Variants in MLANA observed in about 807,000 individuals in gnomAD.
MLANA encodes the protein melanoma antigen recognized by T-cells 1.
MLANA carries 21 observed loss-of-function variants against 15.7 expected under a neutral mutation model. The observed-to-expected ratio is 1.33, with a 90% CI of 0.95 to 1.92. The LOEUF is 1.92. Among genes scored for constraint, MLANA ranks in the 40% most tolerant of loss-of-function variants. MLANA has a pLI of 0.00. For missense variants in MLANA, 164 were observed against 143.8 expected (o/e 1.14, Z -0.72); for synonymous variants, 56 against 51.5 (o/e 1.09, Z -0.37).
chr9:5,905,321 G>C (rs372324105), intron 3 of MLANA, among the ~76,000 whole-genome samples: 1 of 152,152 alleles, frequency 6.6e-6, no homozygotes, highest in African/African-American at 2.4e-5. Context: ...TGGCCATGAC[G>C]GGAAGGGAGG....
chr9:5,895,698 A>G (rs1831969649), intron 2 of MLANA, among the ~76,000 whole-genome samples: 1 of 152,212 alleles, frequency 6.6e-6, no homozygotes, highest in East Asian at 1.9e-4. Flanking sequence ...CTGATTGGGT[A>G]GGCCAGGGGT....
chr9:5,902,045 C>T (rs902251278), intron 3 of MLANA, among the ~76,000 whole-genome samples: 9 of 152,082 alleles, frequency 5.9e-5, no homozygotes, highest in African/African-American at 1.9e-4. Flanking sequence ...AAAGTATTCC[C>T]TTTGCTTCTA....
At chr9:5,895,799 G>A (rs1411008980) in intron 2 of MLANA, among the ~76,000 whole-genome samples, 2 of 152,236 alleles carry the variant, frequency 1.3e-5, no homozygotes, top group Admixed American at 6.5e-5. Flanking sequence ...CTGCCAAGCT[G>A]GGCAGTGGGT....
chr9:5,907,147 CT>C, intron 4 of MLANA, 149 bp downstream of exon 4: 1 of 411,500 alleles, frequency 2.4e-6, no homozygotes, highest in Non-Finnish European at 4.3e-6. Flanking sequence ...AAAATGGCAA[CT>C]TTTATGTGTA....
intron 3 of MLANA, among the ~76,000 whole-genome samples, chr9:5,904,162 A>G (rs890965395): frequency 6.6e-6 from 1 of 151,510 alleles, no homozygotes; most frequent in Non-Finnish European, 1.5e-5. Flanking sequence ...CCTGGCCTCT[A>G]TCCACTTACT....
At position 5,909,412 on chromosome 9, in the gene MLANA, C is replaced by G. The variant is rs1463809540; in HGVS notation, c.*704C>G. ...TAGCTGGGATTACAGGCGTGCGCCA[C>G]TATGCCTGACTAATTTTGTAGTTTT... On this transcript the variant is annotated 3_prime_UTR_variant, in exon 5 of 5. Transcript: ENST00000381477. 1.3e-5 allele frequency: 2 copies of G among 152,328 alleles called. No homozygotes were observed. Among genetic ancestry groups the G allele is most frequent in the Non-Finnish European group, 1.5e-5 (1 of 68,154 alleles). The allele number at this position is 152,328 out of a possible 1,614,324, so 9.4% of individuals were successfully genotyped here.
At chr9:5,898,876 G>GT (rs1459801841) in intron 3 of MLANA, 1 of 152,164 alleles carries the variant, frequency 6.6e-6, no homozygotes, top group African/African-American at 2.4e-5. Flanking sequence ...TCACTTGTGT[G>GT]TTTTTTAACA....
chr9:5,897,767 AT>A (rs1832131167), intron 3 of MLANA, 114 bp downstream of exon 3: 1 of 935,680 alleles, frequency 1.1e-6, no homozygotes, highest in African/African-American at 1.6e-5. Flanking sequence ...TTCAGCTCTG[AT>A]TCCGGCTTCT....
At chr9:5,898,781 C>A (rs985193658) in intron 3 of MLANA, among the ~76,000 whole-genome samples, 6 of 152,188 alleles carry the variant, frequency 3.9e-5, no homozygotes, top group African/African-American at 1.4e-4. Context: ...CCTGTGAATT[C>A]CAAGTTCTTC....
intron 3 of MLANA, among the ~76,000 whole-genome samples, chr9:5,903,106 G>A (rs930222421): frequency 6.6e-6 from 1 of 151,806 alleles, no homozygotes; most frequent in African/African-American, 2.4e-5. Flanking sequence ...GAAGTGTGTT[G>A]TTTAATCTCC....
intron 3 of MLANA, among the ~76,000 whole-genome samples, chr9:5,905,474 G>A (rs530505703): frequency 2.4e-4 from 36 of 152,272 alleles, no homozygotes; most frequent in Admixed American, 1.2e-3. Context: ...TGCAAGGAAA[G>A]GGTTAAATCA....
At chr9:5,900,394 C>T (rs561081711) in intron 3 of MLANA, among the ~76,000 whole-genome samples, 1 of 152,036 alleles carries the variant, frequency 6.6e-6, no homozygotes, top group South Asian at 2.1e-4. Flanking sequence ...ATATTAAAAT[C>T]TTATTTTGAG....
chr9:5,903,133 T>C (rs372900134), intron 3 of MLANA, among the ~76,000 whole-genome samples: 9 of 152,256 alleles, frequency 5.9e-5, no homozygotes, highest in East Asian at 1.9e-4. Context: ...TGGGAATTTT[T>C]CAGTTATCTT....
Position 5,893,405 on chromosome 9 carries a change from C to T in MLANA, c.77+854C>T, listed in dbSNP as rs550019556. 6.6e-5 allele frequency among the ~76,000 whole-genome samples: 10 copies of T among 152,316 alleles called. 1 individual carries two copies. The highest frequency in any genetic ancestry group is 2.4e-4 in the African/African-American group (10 of 41,574). ...GAACCTGCTCTTTCTTTGGAAAGAGCTGTTGAACAATCTTTGTTAACAGTC... is the reference window on the plus strand; with the variant it reads ...GAACCTGCTCTTTCTTTGGAAAGAGTTGTTGAACAATCTTTGTTAACAGTC... On this transcript the variant is annotated intron_variant, in intron 2 of 4. Coordinates refer to ENST00000381477, the MANE Select transcript of MLANA (RefSeq NM_005511.2).
chr9:5,890,982 G>T (rs147072608), intron 1 of MLANA, 46 bp downstream of exon 1: 2 of 152,272 alleles, frequency 1.3e-5, no homozygotes, highest in East Asian at 3.9e-4. Flanking sequence ...TCTTCTCCCA[G>T]AATAGGATTT....
chr9:5,892,360 C>T, intron 1 of MLANA, 90 bp from the exon 2 acceptor site: 1 of 836,932 alleles, frequency 1.2e-6, no homozygotes, highest in Non-Finnish European at 1.8e-6. Flanking sequence ...ATATTGGTCA[C>T]CTAGTGAGGA....
At position 5,905,673 on chromosome 9, in the gene MLANA, C is replaced by T. The variant is rs958449381; in HGVS notation, c.175-1212C>T. Among the ~76,000 whole-genome samples the T allele has an allele frequency of 1.4e-4, 22 of 152,188 alleles. 1 individual carries two copies. Among genetic ancestry groups the T allele is most frequent in the Admixed American group, 5.9e-4 (9 of 15,276 alleles). Reference sequence around the variant, plus strand: ...CAACCAGCTGCTAACTAAAGAATACCTAAAACCCACCTGTGACTTGTAAGT... The same window carrying T: ...CAACCAGCTGCTAACTAAAGAATACTTAAAACCCACCTGTGACTTGTAAGT... On this transcript the variant is annotated intron_variant, in intron 3 of 4. Transcript: ENST00000381477.
intron 3 of MLANA, chr9:5,899,295 A>C (rs1832258984): frequency 6.6e-6 from 1 of 152,170 alleles, no homozygotes; most frequent in Admixed American, 6.6e-5. Context: ...TGGGGATTGA[A>C]GCTTGGCAAG....
intron 3 of MLANA, among the ~76,000 whole-genome samples, chr9:5,906,097 G>C (rs988768393): frequency 1.3e-5 from 2 of 151,684 alleles, no homozygotes; most frequent in Non-Finnish European, 1.5e-5. Flanking sequence ...CATGCCTATA[G>C]TCTCAGCTAC....
Sources: allele counts gnomAD v4.1 joint callset (sites outside exome capture counted in the v4.1 genomes callset), GRCh38; gene constraint gnomAD v4.1.1; transcripts MANE v1.5; gene names NCBI Gene and HGNC (gene_info 2026-07-23, HGNC 2026-07-21).